The following DST variants were observed in gnomAD, a reference collection of about 807,000 sequenced individuals.
The protein encoded by DST is dystonin.
DST carries 253 observed loss-of-function variants against 875.2 expected under a neutral mutation model. The ratio of observed to expected loss-of-function variants is 0.29; its 90% CI spans 0.26 to 0.32. The LOEUF is 0.32. DST is among the 10% of genes least tolerant of loss of function. DST has a pLI of 1.00. For missense variants in DST, 8,287 were observed against 9,111.6 expected (o/e 0.91, Z 3.68); for synonymous variants, 3,124 against 3,197.1 (o/e 0.98, Z 0.77).
chr6:56,630,487 C>G (rs2098769153), intron 30 of DST, 104 bp from the exon 31 acceptor site: 1 of 979,736 alleles, frequency 1.0e-6, no homozygotes, highest in East Asian at 2.6e-5. Flanking sequence ...ATGTTCTTCA[C>G]CTTGGAACAC....
intron 4 of DST, among the ~76,000 whole-genome samples, chr6:56,840,040 T>C (rs947185880): frequency 6.6e-6 from 1 of 152,200 alleles, no homozygotes; most frequent in Non-Finnish European, 1.5e-5. Context: ...ACCCTTTTGG[T>C]GGAACAAAAT....
intron 2 of DST, among the ~76,000 whole-genome samples, chr6:56,951,623 AT>A (rs1822344748): frequency 6.6e-6 from 1 of 152,232 alleles, no homozygotes; most frequent in Admixed American, 6.5e-5. Context: ...GTGATGAAAC[AT>A]GACATTCTTT....
At chr6:56,943,607 A>AT (rs11405175) in intron 2 of DST, among the ~76,000 whole-genome samples, 115,460 of 151,072 alleles carry the variant, frequency 0.76, 44,294 homozygotes, top group South Asian at 0.89. Flanking sequence ...CTGATTTTGT[A>AT]TTTTTAGTAG....
In DST at chr6:56,923,769, C is replaced by T. The variant is rs1284920731; in HGVS notation, c.217-23148G>A. Among the ~76,000 whole-genome samples, 3 of 152,112 alleles carry T rather than the reference C, an allele frequency of 2.0e-5. No homozygotes were observed. The East Asian group carries it at 5.8e-4, about 29-fold the overall frequency. On this transcript the variant is annotated intron_variant, in intron 2 of 103. Coordinates refer to ENST00000680361, the MANE Select transcript of DST (RefSeq NM_001374736.1). ...CTTCATCTGATTGGATGAGGCCCAC[C>T]CACATTATGGAAGGCAGTCTACTCA...
intron 4 of DST, among the ~76,000 whole-genome samples, chr6:56,836,945 G>T (rs1430264177): frequency 6.6e-6 from 1 of 151,344 alleles, no homozygotes; most frequent in Non-Finnish European, 1.5e-5. Context: ...GAAATATATT[G>T]AAAGTTTTTT....
chr6:56,643,610 C>A (rs959400283), intron 15 of DST, among the ~76,000 whole-genome samples: 1 of 152,190 alleles, frequency 6.6e-6, no homozygotes, highest in Non-Finnish European at 1.5e-5. Flanking sequence ...ACTCGCAATA[C>A]ATAGACAATG....
At chr6:56,656,467 T>C (rs1470020168) in intron 10 of DST, among the ~76,000 whole-genome samples, 1 of 152,230 alleles carries the variant, frequency 6.6e-6, no homozygotes, top group Non-Finnish European at 1.5e-5. Context: ...TAATAAATAC[T>C]GATACCTACT....
intron 4 of DST, among the ~76,000 whole-genome samples, chr6:56,792,873 G>A (rs1564204003): frequency 6.6e-6 from 1 of 151,902 alleles, no homozygotes. Context: ...TTTGAGACCA[G>A]CCTAGACAAC....
At chr6:56,710,520 A>G (rs2099359109) in intron 5 of DST, among the ~76,000 whole-genome samples, 1 of 152,240 alleles carries the variant, frequency 6.6e-6, no homozygotes, top group East Asian at 1.9e-4. Flanking sequence ...TTTTTACATC[A>G]AACAAGTACG....
rs778467024 is a variant in DST, at chr6:56,619,909, A to T, written c.4929+4621T>A. The T allele has an allele frequency of 2.5e-6, 4 of 1,613,814 alleles. No homozygotes were observed. The South Asian group carries it at 4.4e-5, about 18-fold the overall frequency. On this transcript the variant is annotated intron_variant, in intron 36 of 103. Coordinates refer to ENST00000680361, the MANE Select transcript of DST (RefSeq NM_001374736.1). The stretch of plus-strand genomic sequence containing the variant: ...CTCTCATGTCTTGTTCAGCCTTTCT[A>T]TTGGCAGCTGTTAGTTCATCTACCT...
rs1283211169 is a variant in DST at position 56,606,236 on chromosome 6, T to C, written c.8392A>G (p.Ile2798Val). 6.4e-7 allele frequency: 1 copy of C among 1,566,798 alleles called. No individual in the cohort carries two copies. The highest frequency in any genetic ancestry group is 1.9e-5 in the Admixed American group (1 of 51,942). ...TCATCCTGATCATTACTGTCATATATATAATCCCCATAACTTTCTTCACTT... is the reference window on the plus strand; with the variant it reads ...TCATCCTGATCATTACTGTCATATACATAATCCCCATAACTTTCTTCACTT... Reference protein sequence around the residue: ...MQSEESYGDYIYDSNDQDDDD... With the variant: ...MQSEESYGDYVYDSNDQDDDD... Residue 2798 changes from isoleucine to valine, a missense_variant, in exon 40 of 104, where the codon ATA becomes GTA. Transcript: ENST00000680361.
chr6:56,853,521 T>C (rs1766334189), intron 3 of DST, among the ~76,000 whole-genome samples: 2 of 152,202 alleles, frequency 1.3e-5, no homozygotes, highest in Non-Finnish European at 2.9e-5. Flanking sequence ...TGTCCTTATT[T>C]AAGGTCATCC....
intron 4 of DST, among the ~76,000 whole-genome samples, chr6:56,849,260 T>C (rs78770879): frequency 0.17 from 25,454 of 149,938 alleles, 2,383 homozygotes; most frequent in African/African-American, 0.2. Flanking sequence ...CCTCAGCCTC[T>C]AGAGTAACTG....
At chr6:56,872,823 C>A (rs201694089) in intron 3 of DST, among the ~76,000 whole-genome samples, 1 of 88,852 alleles carries the variant, frequency 1.1e-5, no homozygotes, top group South Asian at 3.3e-4. Context: ...TACACTGATT[C>A]CCCCCCCCCT....
At chr6:56,514,623 G>A (rs9367687) in intron 72 of DST, among the ~76,000 whole-genome samples, 100,929 of 149,396 alleles carry the variant, frequency 0.68, 34,240 homozygotes, top group Non-Finnish European at 0.71. Flanking sequence ...CCCCTCATGC[G>A]CATACACACA....
chr6:56,854,352 CA>C (rs1766797198), intron 3 of DST, among the ~76,000 whole-genome samples: 1 of 151,938 alleles, frequency 6.6e-6, no homozygotes, highest in African/African-American at 2.4e-5. Flanking sequence ...CTGTAATCAA[CA>C]AAAGCCCCAG....
intron 3 of DST, among the ~76,000 whole-genome samples, chr6:56,894,603 G>A (rs1186746111): frequency 2.4e-5 from 1 of 42,356 alleles, no homozygotes; most frequent in Non-Finnish European, 4.2e-5. Flanking sequence ...CAGTAGGGGC[G>A]GCCGGGCAGA....
chr6:56,831,102 T>C (rs1209395150), intron 4 of DST, among the ~76,000 whole-genome samples: 1 of 152,188 alleles, frequency 6.6e-6, no homozygotes, highest in Non-Finnish European at 1.5e-5. Context: ...AAAAAAAGTA[T>C]AAAGTGCTAA....
In DST at chr6:56,667,828, T is replaced by TATACAC. The variant is rs1554596727; in HGVS notation, c.1214+2812_1214+2813insGTGTAT. Among the ~76,000 whole-genome samples, 269 of 149,864 alleles carry TATACAC rather than the reference T, an allele frequency of 1.8e-3. 1 individual carries two copies. The highest frequency in any genetic ancestry group is 6.0e-3 in the African/African-American group (244 of 40,696). On this transcript the variant is annotated intron_variant, in intron 10 of 103. Coordinates refer to ENST00000680361, the MANE Select transcript of DST (RefSeq NM_001374736.1). ...AAAATGCATTATATATATATATATATACACACACACACACACATACACCAA... is the reference window on the plus strand; with the variant it reads ...AAAATGCATTATATATATATATATATATACACACACACACACACACACATACACCAA...
Sources: gnomAD v4.1 joint callset for allele counts (sites outside exome capture counted in the v4.1 genomes callset) on GRCh38, gnomAD v4.1.1 for gene constraint, MANE v1.5 for transcripts, NCBI Gene and HGNC (gene_info 2026-07-23, HGNC 2026-07-21) for gene names.